Variants in L2HGDH observed in about 807,000 individuals in gnomAD.
The protein encoded by L2HGDH is L-2-hydroxyglutarate dehydrogenase, mitochondrial.
A neutral mutation model predicts 51.5 loss-of-function variants in L2HGDH; 34 were observed. That is an observed-to-expected ratio of 0.66 (90% confidence interval 0.50 to 0.88). L2HGDH has a LOEUF of 0.88. Ranked by LOEUF, L2HGDH falls within the 40% of genes least tolerant of loss-of-function variation. L2HGDH has a pLI of 0.00. For missense variants in L2HGDH, 558 were observed against 571.9 expected (o/e 0.98, Z 0.25); for synonymous variants, 198 against 197.9 (o/e 1.00, Z -0.01).
Position 50,312,169 on chromosome 14 carries a change from T to C in L2HGDH, c.-19A>G, listed in dbSNP as rs1164890555. On this transcript the variant is annotated 5_prime_UTR_variant, in exon 1 of 10. Transcript: ENST00000267436. The stretch of plus-strand genomic sequence containing the variant: ...GCACCATCCCCTACGCACGCTCCCC[T>C]CCCTCAGCGCTCAGAAGAAGCCACT... The C allele has an allele frequency of 6.2e-7, 1 of 1,607,956 alleles. No individual in the cohort carries two copies. Among genetic ancestry groups the C allele is most frequent in the South Asian group, 1.1e-5 (1 of 90,770 alleles).
chr14:50,251,449 T>C lies in L2HGDH; in HGVS notation c.1197-4196A>G, dbSNP rs567333501. Among the ~76,000 whole-genome samples, 13 of 152,076 alleles carry C rather than the reference T, an allele frequency of 8.5e-5. No individual in the cohort carries two copies. The South Asian group carries it at 1.5e-3, about 17-fold the overall frequency. ...AGGTACAGAAACATATAGGGGTAAA[T>C]AGTTTATTCAAAGGGATGATAACAG... On this transcript the variant is annotated intron_variant, in intron 9 of 9. Transcript: ENST00000267436.
In L2HGDH at chr14:50,245,478, T is replaced by G; in HGVS notation, c.*1580A>C. 5.1e-6 allele frequency: 5 copies of G among 983,506 alleles called. No homozygotes were observed. Among genetic ancestry groups the G allele is most frequent in the Non-Finnish European group, 6.0e-6 (5 of 828,164 alleles). 60.9% of individuals were successfully genotyped at this position (983,506 alleles called of 1,614,324 possible). A position where few individuals can be genotyped will look rare whatever the true frequency, so the allele number is the denominator to read the frequency against. On this transcript the variant is annotated 3_prime_UTR_variant, in exon 10 of 10. Transcript: ENST00000267436. ...AAGAGACTGGAAATAATAAAGGCTT[T>G]GAGTTTGTTTTGTTATTTCCTACAA...
At chr14:50,248,701 A>C (rs1888154200) in intron 9 of L2HGDH, among the ~76,000 whole-genome samples, 1 of 152,222 alleles carries the variant, frequency 6.6e-6, no homozygotes, top group African/African-American at 2.4e-5. Context: ...TTTAGCTGTA[A>C]GAATTTCCAA....
intron 4 of L2HGDH, among the ~76,000 whole-genome samples, chr14:50,284,888 A>C (rs972417707): frequency 2.0e-5 from 3 of 152,230 alleles, no homozygotes; most frequent in African/African-American, 7.2e-5. Context: ...TATTGTAAAG[A>C]TCTCACTCTT....
intron 4 of L2HGDH, among the ~76,000 whole-genome samples, chr14:50,289,432 C>T (rs962304213): frequency 5.3e-5 from 8 of 152,012 alleles, no homozygotes; most frequent in South Asian, 2.1e-4. Flanking sequence ...CTACACAGTG[C>T]GTTACAAAAC....
intron 4 of L2HGDH, among the ~76,000 whole-genome samples, chr14:50,290,193 A>C (rs1240653599): frequency 6.6e-6 from 1 of 151,998 alleles, no homozygotes; most frequent in Non-Finnish European, 1.5e-5. Flanking sequence ...CGTGAACCCA[A>C]GAGTTGGAGC....
In L2HGDH at chr14:50,245,772, T is replaced by C; in HGVS notation, c.*1286A>G. 1.0e-6 allele frequency: 1 copy of C among 985,376 alleles called. No individual in the cohort carries two copies. Among genetic ancestry groups the C allele is most frequent in the Non-Finnish European group, 1.2e-6 (1 of 829,924 alleles). 61.0% of individuals were successfully genotyped at this position (985,376 alleles called of 1,614,324 possible). The stretch of plus-strand genomic sequence containing the variant: ...TTTATGCCATCTTTCTCCAAAACTC[T>C]TAAAAAGCCAAATCTTCTCTAGGTC... On this transcript the variant is annotated 3_prime_UTR_variant, in exon 10 of 10. Coordinates refer to ENST00000267436, the MANE Select transcript of L2HGDH (RefSeq NM_024884.3).
At chr14:50,290,348 A>G (rs981760423) in intron 4 of L2HGDH, among the ~76,000 whole-genome samples, 4 of 152,198 alleles carry the variant, frequency 2.6e-5, no homozygotes, top group African/African-American at 9.7e-5. Context: ...CAAAAATAAC[A>G]ATAAGTGGCT....
intron 5 of L2HGDH, among the ~76,000 whole-genome samples, chr14:50,281,410 C>G (rs560169842): frequency 1.1e-4 from 17 of 151,832 alleles, no homozygotes; most frequent in African/African-American, 4.1e-4. Flanking sequence ...CTGGCCAACA[C>G]GGTGAAACCA....
intron 9 of L2HGDH, among the ~76,000 whole-genome samples, chr14:50,262,555 A>C (rs964938252): frequency 2.0e-5 from 3 of 152,096 alleles, no homozygotes; most frequent in African/African-American, 4.8e-5. Flanking sequence ...ACAAAGCATT[A>C]CCGATATGAT....
intron 5 of L2HGDH, among the ~76,000 whole-genome samples, chr14:50,282,666 T>A (rs1595111941): frequency 6.6e-6 from 1 of 152,246 alleles, no homozygotes; most frequent in East Asian, 1.9e-4. Context: ...CCTAAAAAAA[T>A]GTGAGTAATA....
chr14:50,295,860 T>A (rs2030010509), intron 3 of L2HGDH, among the ~76,000 whole-genome samples: 1 of 151,266 alleles, frequency 6.6e-6, no homozygotes, highest in Admixed American at 6.6e-5. Flanking sequence ...TGCCTCAGCC[T>A]CCCAAGTAGC....
intron 9 of L2HGDH, among the ~76,000 whole-genome samples, chr14:50,253,577 C>A (rs111758899): frequency 0.23 from 34,335 of 152,030 alleles, 4,154 homozygotes; most frequent in East Asian, 0.42. Context: ...ACCTCATACA[C>A]TGTTAATAGA....
At chr14:50,247,970 A>AT (rs1888105570) in intron 9 of L2HGDH, among the ~76,000 whole-genome samples, 1 of 151,988 alleles carries the variant, frequency 6.6e-6, no homozygotes, top group African/African-American at 2.4e-5. Flanking sequence ...AATTAAAGAA[A>AT]ATTTTTTTTT....
intron 9 of L2HGDH, 68 bp downstream of exon 9, chr14:50,265,290 A>C (rs1889273409): frequency 7.2e-7 from 1 of 1,392,904 alleles, no homozygotes; most frequent in African/African-American, 1.4e-5. Flanking sequence ...CTAATCACCA[A>C]GTCAGACCCA....
intron 1 of L2HGDH, among the ~76,000 whole-genome samples, chr14:50,309,492 A>T (rs1375155787): frequency 6.6e-6 from 1 of 151,896 alleles, no homozygotes; most frequent in Non-Finnish European, 1.5e-5. Flanking sequence ...AACCTAGGAG[A>T]CAGAGGTTGC....
In L2HGDH at chr14:50,243,854, C is replaced by T. The variant is rs1174627212; in HGVS notation, c.*3204G>A. On this transcript the variant is annotated 3_prime_UTR_variant, in exon 10 of 10. Transcript: ENST00000267436. ...CCCCTCCCCCCACCCCACAACAGTC[C>T]CCAGAGTGTGATGTTCCCCTTCCTG... 1.0e-4 allele frequency: 12 copies of T among 120,458 alleles called. No individual in the cohort carries two copies. Among genetic ancestry groups the T allele is most frequent in the Non-Finnish European group, 1.5e-4 (9 of 59,120 alleles). The allele number at this position is 120,458 out of a possible 1,614,324, so 7.5% of individuals were successfully genotyped here.
intron 9 of L2HGDH, among the ~76,000 whole-genome samples, chr14:50,247,832 T>C (rs1312272405): frequency 1.3e-5 from 2 of 152,182 alleles, no homozygotes; most frequent in African/African-American, 4.8e-5. Context: ...TCATCTTCAA[T>C]TTCAAAAGAT....
At chr14:50,296,896 G>C (rs1446952005) in intron 3 of L2HGDH, among the ~76,000 whole-genome samples, 2 of 152,028 alleles carry the variant, frequency 1.3e-5, no homozygotes, top group East Asian at 3.9e-4. Flanking sequence ...ACTGAATGCA[G>C]CAACATATAG....
Sources: gnomAD v4.1 joint callset for allele counts (sites outside exome capture counted in the v4.1 genomes callset) on GRCh38, gnomAD v4.1.1 for gene constraint, MANE v1.5 for transcripts, NCBI Gene and HGNC (gene_info 2026-07-23, HGNC 2026-07-21) for gene names.